Variants in MARCHF7 observed in about 807,000 individuals in gnomAD.
MARCHF7 encodes membrane associated ring-CH-type finger 7.
In MARCHF7, 20 loss-of-function variants were observed where a neutral mutation model predicts 76.5. That is an observed-to-expected ratio of 0.26 (90% CI 0.18 to 0.38). MARCHF7 has a LOEUF of 0.38. Among genes scored for constraint, MARCHF7 ranks in the 10% least tolerant of loss-of-function variants. MARCHF7 has a pLI of 1.00. For synonymous variants in MARCHF7, 295 were observed against 293.0 expected (o/e 1.01, Z -0.07); for missense variants, 797 against 812.9 (o/e 0.98, Z 0.24).
At chr2:159,715,016 T>C (rs1700874109) in intron 2 of MARCHF7, among the ~76,000 whole-genome samples, 1 of 152,250 alleles carries the variant, frequency 6.6e-6, no homozygotes, top group Admixed American at 6.5e-5. Context: ...TAATCTTTGC[T>C]GATACATCCT....
chr2:159,748,918 C>T lies in MARCHF7; in HGVS notation c.1613+15C>T, dbSNP rs759670898. ...ATAAAAGAGAGGTAAATTCGAATAC[C>T]TGTCTTAAGCCTATAAATCAAAAAT... On this transcript the variant is annotated intron_variant, in intron 7 of 11. Coordinates refer to ENST00000409175, the MANE Select transcript of MARCHF7 (RefSeq NM_001282805.2). The T allele has an allele frequency of 5.7e-6, 9 of 1,567,944 alleles. No individual in the cohort carries two copies. In the East Asian group the frequency reaches 1.8e-4, roughly 31 times the overall value.
intron 7 of MARCHF7, among the ~76,000 whole-genome samples, chr2:159,751,777 C>T (rs1471521362): frequency 6.6e-6 from 1 of 152,046 alleles, no homozygotes; most frequent in African/African-American, 2.4e-5. Context: ...AAATAGAGGA[C>T]GTAGGTTAAT....
intron 8 of MARCHF7, among the ~76,000 whole-genome samples, chr2:159,758,466 G>A (rs963266997): frequency 2.6e-5 from 4 of 152,216 alleles, no homozygotes; most frequent in Non-Finnish European, 4.4e-5. Context: ...AGACAGAAAC[G>A]CTAACCATTA....
At chr2:159,749,200 A>G (rs912868391) in intron 7 of MARCHF7, among the ~76,000 whole-genome samples, 5 of 151,248 alleles carry the variant, frequency 3.3e-5, no homozygotes, top group African/African-American at 9.7e-5. Flanking sequence ...CTGGTCTCAA[A>G]CTCCTGACCT....
chr2:159,761,406 CTTTTTTTTTT>C (rs747902045), intron 9 of MARCHF7, among the ~76,000 whole-genome samples: 1 of 73,776 alleles, frequency 1.4e-5, no homozygotes. Context: ...TGAATCATTT[CTTTTTTTTTT>C]TTTTTTTTTT....
At chr2:159,726,788 T>C (rs1160814215) in intron 3 of MARCHF7, among the ~76,000 whole-genome samples, 1 of 152,222 alleles carries the variant, frequency 6.6e-6, no homozygotes, top group Non-Finnish European at 1.5e-5. Flanking sequence ...TTCATACTCA[T>C]TAAACAACTC....
At position 159,743,307 on chromosome 2, in the gene MARCHF7, A is replaced by G. The variant is rs1263503428; in HGVS notation, c.346+54A>G. The G allele has an allele frequency of 4.0e-6, 6 of 1,496,772 alleles. No homozygotes were observed. The African/African-American group carries it at 7.0e-5, about 17-fold the overall frequency. 92.7% of individuals were successfully genotyped at this position (1,496,772 alleles called of 1,614,324 possible). On this transcript the variant is annotated intron_variant, in intron 5 of 11. Transcript: ENST00000409175. ...AGCCGTTTTTCTCCAGGTGTAACAC[A>G]GTTGTTCTTAGTTTTGGAATGAGGC...
chr2:159,747,789 T>C lies in MARCHF7; in HGVS notation c.515-16T>C, dbSNP rs575348073. The C allele has an allele frequency of 5.8e-6, 9 of 1,546,208 alleles. No individual in the cohort carries two copies. The South Asian group carries it at 1.0e-4, about 17-fold the overall frequency. On this transcript the variant is annotated splice_polypyrimidine_tract_variant and intron_variant, in intron 6 of 11. Coordinates refer to ENST00000409175, the MANE Select transcript of MARCHF7 (RefSeq NM_001282805.2). ...AAATTATTTCATGTAATTGGTTATC[T>C]TCCTTTCAAAAATAGATGTTCAAGA...
chr2:159,716,958 G>T (rs1455192099), intron 3 of MARCHF7, among the ~76,000 whole-genome samples: 1 of 152,226 alleles, frequency 6.6e-6, no homozygotes, highest in Non-Finnish European at 1.5e-5. Context: ...CTAGGTGCCT[G>T]TTGGGCAGTT....
At chr2:159,740,088 G>A (rs139749882) in intron 4 of MARCHF7, among the ~76,000 whole-genome samples, 1 of 152,110 alleles carries the variant, frequency 6.6e-6, no homozygotes, top group Non-Finnish European at 1.5e-5. Context: ...TAAATCTGAT[G>A]AATTTTTATC....
intron 3 of MARCHF7, among the ~76,000 whole-genome samples, chr2:159,721,552 G>A (rs1298530201): frequency 6.6e-6 from 1 of 152,154 alleles, no homozygotes; most frequent in Non-Finnish European, 1.5e-5. Flanking sequence ...CTTCATCTCA[G>A]AAGTCAAAAA....
Position 159,770,367 on chromosome 2 carries a change from GTT to G in MARCHF7, c.*3028_*3029del, listed in dbSNP as rs1708099258. 1.3e-5 allele frequency: 2 copies of G among 150,944 alleles called. No individual in the cohort carries two copies. The highest frequency in any genetic ancestry group is 5.0e-5 in the African/African-American group (2 of 40,330). The allele number at this position is 150,944 out of a possible 1,614,324, so 9.4% of individuals were successfully genotyped here. On this transcript the variant is annotated 3_prime_UTR_variant, in exon 12 of 12. Coordinates refer to ENST00000409175, the MANE Select transcript of MARCHF7 (RefSeq NM_001282805.2). The stretch of plus-strand genomic sequence containing the variant: ...GTACCATGTAGCCGCACTGTTAATA[GTT>G]TTCTATCACTTTTTAGTTACTCATG...
intron 7 of MARCHF7, among the ~76,000 whole-genome samples, chr2:159,750,031 A>T (rs1159456781): frequency 2.0e-5 from 3 of 152,210 alleles, no homozygotes; most frequent in African/African-American, 7.2e-5. Flanking sequence ...GCACAAAATA[A>T]TTTTTGTGTT....
chr2:159,722,061 G>T (rs529992736), intron 3 of MARCHF7, among the ~76,000 whole-genome samples: 52 of 152,234 alleles, frequency 3.4e-4, no homozygotes, highest in African/African-American at 1.2e-3. Context: ...TGCGCTATTT[G>T]TTTTTAAGTC....
intron 1 of MARCHF7, among the ~76,000 whole-genome samples, chr2:159,713,167 C>T (rs186565769): frequency 2.6e-5 from 4 of 152,190 alleles, no homozygotes; most frequent in African/African-American, 9.7e-5. Context: ...AATATCGTGA[C>T]GCCCTGAGAG....
At chr2:159,746,846 GTTATT>G (rs940741955) in intron 6 of MARCHF7, among the ~76,000 whole-genome samples, 59 of 152,276 alleles carry the variant, frequency 3.9e-4, no homozygotes, top group Admixed American at 3.3e-3. Flanking sequence ...AAAGGTTTAG[GTTATT>G]TTAATTTATC....
intron 3 of MARCHF7, among the ~76,000 whole-genome samples, chr2:159,722,285 G>A (rs534347906): frequency 6.6e-6 from 1 of 152,056 alleles, no homozygotes; most frequent in East Asian, 1.9e-4. Context: ...TCACAGGCGC[G>A]TGCCACCACA....
Position 159,761,865 on chromosome 2 carries a change from A to G in MARCHF7, c.1894-1015A>G, listed in dbSNP as rs116471767. Among the ~76,000 whole-genome samples the G allele has an allele frequency of 8.1e-3, 1,235 of 152,290 alleles. 15 individuals are homozygous for G. Among genetic ancestry groups the G allele is most frequent in the African/African-American group, 0.027 (1,142 of 41,540 alleles). ...AATTACAGGACAGATTAGATTATTA[A>G]TAATACTATATTTATGATTTGTATT... is the stretch of plus-strand genomic sequence containing the variant. On this transcript the variant is annotated intron_variant, in intron 9 of 11. Coordinates refer to ENST00000409175, the MANE Select transcript of MARCHF7 (RefSeq NM_001282805.2).
At chr2:159,733,502 T>C (rs1703067015) in intron 4 of MARCHF7, 1 of 978,022 alleles carries the variant, frequency 1.0e-6, no homozygotes. Context: ...CCTCCAAAGG[T>C]GCTGGGATTA....
Sources: gnomAD v4.1 joint callset for allele counts (sites outside exome capture counted in the v4.1 genomes callset) on GRCh38, gnomAD v4.1.1 for gene constraint, MANE v1.5 for transcripts, NCBI Gene and HGNC (gene_info 2026-07-23, HGNC 2026-07-21) for gene names.